Variants in WDR37 observed in about 807,000 individuals in gnomAD.
WDR37 encodes the protein WD repeat domain 37.
In WDR37, 19 loss-of-function variants were observed where a neutral mutation model predicts 62.9. That is an observed-to-expected ratio of 0.30 (90% CI 0.21 to 0.44). The LOEUF is 0.44. WDR37 is among the 20% of genes least tolerant of loss of function. WDR37 has a pLI of 1.00. For synonymous variants in WDR37, 250 were observed against 260.9 expected (o/e 0.96, Z 0.40); for missense variants, 474 against 657.6 (o/e 0.72, Z 3.05).
At chr10:1,128,768 A>C (rs1014803300) in intron 13 of WDR37, among the ~76,000 whole-genome samples, 1 of 151,358 alleles carries the variant, frequency 6.6e-6, no homozygotes. Flanking sequence ...GGCATCACTC[A>C]TTCTGGCCTG....
At chr10:1,079,527 TG>T (rs1833965595) in intron 3 of WDR37, among the ~76,000 whole-genome samples, 1 of 151,928 alleles carries the variant, frequency 6.6e-6, no homozygotes, top group Non-Finnish European at 1.5e-5. Context: ...GTATCTCTAA[TG>T]GTTTCTTTCT....
chr10:1,126,240 A>T (rs187191197), intron 13 of WDR37, among the ~76,000 whole-genome samples: 1 of 151,836 alleles, frequency 6.6e-6, no homozygotes, highest in South Asian at 2.1e-4. Flanking sequence ...CCTGTCTCTA[A>T]TAAAAATACA....
Position 1,129,494 on chromosome 10 carries a change from A to T in WDR37, c.*150A>T. 1 of 1,190,874 alleles carries T rather than the reference A, an allele frequency of 8.4e-7. No homozygotes were observed. The highest frequency in any genetic ancestry group is 1.2e-6 in the Non-Finnish European group (1 of 865,110). 73.8% of individuals were successfully genotyped at this position (1,190,874 alleles called of 1,614,324 possible). On this transcript the variant is annotated 3_prime_UTR_variant, in exon 14 of 14. Coordinates refer to ENST00000263150, the MANE Select transcript of WDR37 (RefSeq NM_014023.4). ...TCTTTTCACATAGTGCCCAGCTTGC[A>T]TGAAATGTACAGAGAAATGTGTGGT...
chr10:1,092,745 C>T (rs1834437186), intron 7 of WDR37, among the ~76,000 whole-genome samples: 1 of 151,756 alleles, frequency 6.6e-6, no homozygotes, highest in Admixed American at 6.6e-5. Context: ...GTGGTACATT[C>T]TTGTGTCCCA....
chr10:1,107,763 G>A (rs1435406542), intron 11 of WDR37, among the ~76,000 whole-genome samples: 2 of 143,530 alleles, frequency 1.4e-5, no homozygotes, highest in African/African-American at 5.3e-5. Context: ...CACACAACAC[G>A]CACTACCCTG....
intron 7 of WDR37, among the ~76,000 whole-genome samples, chr10:1,090,550 C>G (rs1037933535): frequency 1.3e-5 from 2 of 152,174 alleles, no homozygotes; most frequent in Non-Finnish European, 1.5e-5. Context: ...AGGAGATGGT[C>G]TTGACCCTGA....
chr10:1,074,900 C>T (rs1299344430), intron 2 of WDR37, among the ~76,000 whole-genome samples: 1 of 152,272 alleles, frequency 6.6e-6, no homozygotes, highest in Non-Finnish European at 1.5e-5. Context: ...GCGACGTCCA[C>T]GTGCACACAG....
intron 9 of WDR37, among the ~76,000 whole-genome samples, chr10:1,099,296 G>C (rs1343598611): frequency 6.6e-6 from 1 of 152,226 alleles, no homozygotes; most frequent in African/African-American, 2.4e-5. Flanking sequence ...CCCCAGTTCG[G>C]TGCCTGAACA....
intron 1 of WDR37, among the ~76,000 whole-genome samples, chr10:1,071,557 G>C (rs116879460): frequency 0.022 from 3,345 of 152,270 alleles, 56 homozygotes; most frequent in Non-Finnish European, 0.035. Flanking sequence ...AGTTTGAATT[G>C]AGATATGCTG....
At chr10:1,101,827 A>AGT (rs1447646776) in intron 9 of WDR37, among the ~76,000 whole-genome samples, 1 of 152,158 alleles carries the variant, frequency 6.6e-6, no homozygotes, top group African/African-American at 2.4e-5. Flanking sequence ...CTCATCAGAG[A>AGT]GTCCCTCCTC....
At chr10:1,072,017 A>T (rs1833746757) in intron 1 of WDR37, 99 bp from the exon 2 acceptor site, 1 of 931,558 alleles carries the variant, frequency 1.1e-6, no homozygotes, top group East Asian at 2.8e-5. Context: ...AACTATAGTA[A>T]GGAAGCTTGT....
At chr10:1,069,343 A>G (rs1426176533) in intron 1 of WDR37, among the ~76,000 whole-genome samples, 1 of 143,342 alleles carries the variant, frequency 7.0e-6, no homozygotes, top group Non-Finnish European at 1.5e-5. Flanking sequence ...TGGCAACTTT[A>G]TTAGTAATAG....
intron 2 of WDR37, chr10:1,074,652 TGA>T: frequency 1.6e-6 from 1 of 624,872 alleles, no homozygotes; most frequent in Non-Finnish European, 2.5e-6. Flanking sequence ...ATGGTAGGTG[TGA>T]GGGGGGCGAT....
Position 1,094,592 on chromosome 10 carries a change from G to A in WDR37, c.649+1096G>A, listed in dbSNP as rs187849416. ...AGCAGACAAGGAGTTTACACCTTACGAAGTTGGCGGTTTGTGGGATGATTG... is the reference window on the plus strand; with the variant it reads ...AGCAGACAAGGAGTTTACACCTTACAAAGTTGGCGGTTTGTGGGATGATTG... On this transcript the variant is annotated intron_variant, in intron 8 of 13. Coordinates refer to ENST00000263150, the MANE Select transcript of WDR37 (RefSeq NM_014023.4). Among the ~76,000 whole-genome samples the A allele has an allele frequency of 3.1e-3, 472 of 152,314 alleles. 2 individuals carry two copies. Among genetic ancestry groups the A allele is most frequent in the Middle Eastern group, 0.01 (3 of 294 alleles).
At chr10:1,109,467 C>A (rs917237169) in intron 11 of WDR37, among the ~76,000 whole-genome samples, 2 of 152,212 alleles carry the variant, frequency 1.3e-5, no homozygotes, top group African/African-American at 4.8e-5. Flanking sequence ...TGGCTCACGC[C>A]TGTAATCCCA....
rs1174447709 is a variant in WDR37, at chr10:1,105,773, C to T, written c.1103+506C>T. On this transcript the variant is annotated intron_variant, in intron 11 of 13. Transcript: ENST00000263150. This position sits in a 1 kb window ranked among gnomAD's most constrained non-coding sequence, Gnocchi z 5.3. Reference sequence around the variant, plus strand: ...GTCCCTCTCTGCTTGGGTTTCTCTCCGGCAACTCAAGTGTAAGGTCTTTTT... The same window carrying T: ...GTCCCTCTCTGCTTGGGTTTCTCTCTGGCAACTCAAGTGTAAGGTCTTTTT... 2.6e-5 allele frequency among the ~76,000 whole-genome samples: 4 copies of T among 151,986 alleles called. No homozygotes were observed. The highest frequency in any genetic ancestry group is 6.6e-5 in the Admixed American group (1 of 15,260).
At chr10:1,115,735 CT>C (rs1241662217) in intron 11 of WDR37, among the ~76,000 whole-genome samples, 2 of 152,228 alleles carry the variant, frequency 1.3e-5, no homozygotes, top group Non-Finnish European at 2.9e-5. Context: ...TTGCTTTCCA[CT>C]TTCAGATCTG....
chr10:1,070,209 A>G (rs1179427823), intron 1 of WDR37, among the ~76,000 whole-genome samples: 1 of 94,466 alleles, frequency 1.1e-5, no homozygotes, highest in Non-Finnish European at 2.4e-5. Context: ...CTCTGTCTCA[A>G]AAAAAAAAAA....
At chr10:1,074,741 TGAG>T (rs60933538) in intron 2 of WDR37, among the ~76,000 whole-genome samples, 84 of 152,300 alleles carry the variant, frequency 5.5e-4, no homozygotes, top group South Asian at 1.0e-3. Context: ...TTTCAGTTGT[TGAG>T]GAGCAGCAAT....
Sources: allele counts gnomAD v4.1 joint callset (sites outside exome capture counted in the v4.1 genomes callset), GRCh38; gene constraint gnomAD v4.1.1; non-coding constraint Gnocchi (gnomAD v3.1); transcripts MANE v1.5; gene names NCBI Gene and HGNC (gene_info 2026-07-23, HGNC 2026-07-21).